PCDHA13: variants seen among roughly 807,000 people sequenced by gnomAD.
The protein encoded by PCDHA13 is protocadherin alpha-13.
In PCDHA13, 54 loss-of-function variants were observed where a neutral mutation model predicts 64.8. That is an observed-to-expected ratio of 0.83 (90% CI 0.67 to 1.04). The LOEUF (loss-of-function observed/expected upper bound fraction) is 1.04, where lower values mean the gene tolerates loss of function less well. PCDHA13 is among the 50% of genes least tolerant of loss of function. The pLI, the probability that PCDHA13 is intolerant of heterozygous loss-of-function variation, is 0.00. For missense variants in PCDHA13, 1,248 were observed against 1,254.3 expected (o/e 0.99, Z 0.08); for synonymous variants, 587 against 564.4 (o/e 1.04, Z -0.57).
chr5:140,955,846 T>G (rs1256650141), intron 1 of PCDHA13, among the ~76,000 whole-genome samples: 1 of 152,218 alleles, frequency 6.6e-6, no homozygotes, highest in African/African-American at 2.4e-5. Context: ...GTCATTCTCC[T>G]TGAAGAGGTC....
chr5:140,967,024 T>G, intron 1 of PCDHA13: 1 of 1,608,238 alleles, frequency 6.2e-7, no homozygotes, highest in Non-Finnish European at 8.5e-7. Flanking sequence ...GTGCGCCCAG[T>G]CCGCGCTACC....
At chr5:140,947,454 C>T (rs138457341) in intron 1 of PCDHA13, among the ~76,000 whole-genome samples, 1 of 151,582 alleles carries the variant, frequency 6.6e-6, no homozygotes, top group Non-Finnish European at 1.5e-5. Flanking sequence ...ATCCTCCAAC[C>T]TTGTTCTACT....
chr5:141,009,372 T>C (rs1026606654), intron 3 of PCDHA13, among the ~76,000 whole-genome samples: 3 of 152,152 alleles, frequency 2.0e-5, no homozygotes, highest in Non-Finnish European at 1.5e-5. Context: ...GATGGGAGGA[T>C]TGATTGAGCA....
intron 2 of PCDHA13, among the ~76,000 whole-genome samples, chr5:140,979,550 T>C (rs1201791524): frequency 5.3e-5 from 8 of 152,238 alleles, no homozygotes; most frequent in Non-Finnish European, 7.3e-5. Flanking sequence ...ACATGGTTCT[T>C]CAGAAGATGA....
intron 3 of PCDHA13, among the ~76,000 whole-genome samples, chr5:141,002,682 G>C (rs536105955): frequency 6.6e-6 from 1 of 152,140 alleles, no homozygotes; most frequent in African/African-American, 2.4e-5. Context: ...CCTATACGAC[G>C]TGCAGATTTG....
intron 1 of PCDHA13, among the ~76,000 whole-genome samples, chr5:140,942,139 A>G (rs1211983428): frequency 6.6e-6 from 1 of 152,248 alleles, no homozygotes; most frequent in African/African-American, 2.4e-5. Flanking sequence ...TTGTGGCTTT[A>G]CTTGACATAA....
intron 1 of PCDHA13, among the ~76,000 whole-genome samples, chr5:140,891,039 AC>A (rs143686625): frequency 0.024 from 3,682 of 152,150 alleles, 153 homozygotes; most frequent in African/African-American, 0.085. Context: ...CTTAGGTGTG[AC>A]CCCCACAGCA....
intron 1 of PCDHA13, among the ~76,000 whole-genome samples, chr5:140,899,167 T>C (rs1314014582): frequency 3.3e-5 from 5 of 152,124 alleles, no homozygotes; most frequent in Admixed American, 6.5e-5. Context: ...CTTTTCCTAA[T>C]TGAATACCCT....
chr5:140,927,078 C>T, intron 1 of PCDHA13: 1 of 1,611,014 alleles, frequency 6.2e-7, no homozygotes, highest in Non-Finnish European at 8.5e-7. Context: ...CCAGCCACCG[C>T]GAGCTCTACT....
chr5:140,925,208 T>C (rs1201764361), intron 1 of PCDHA13, among the ~76,000 whole-genome samples: 2 of 152,190 alleles, frequency 1.3e-5, no homozygotes, highest in African/African-American at 4.8e-5. Context: ...TAATTATCGA[T>C]ACTTTTAGGC....
At chr5:140,971,732 T>C (rs1554233582) in intron 1 of PCDHA13, among the ~76,000 whole-genome samples, 2 of 151,638 alleles carry the variant, frequency 1.3e-5, no homozygotes, top group African/African-American at 4.8e-5. Flanking sequence ...ATCATACATA[T>C]ACACATACAT....
intron 3 of PCDHA13, among the ~76,000 whole-genome samples, chr5:140,997,912 A>T (rs2097790316): frequency 1.3e-5 from 2 of 152,224 alleles, no homozygotes. Context: ...GTAGAATTAC[A>T]GAATCATAGG....
At chr5:140,981,982 A>G (rs1026116713) in intron 2 of PCDHA13, among the ~76,000 whole-genome samples, 6 of 152,218 alleles carry the variant, frequency 3.9e-5, no homozygotes, top group Admixed American at 2.0e-4. Context: ...AAAGAGTAAA[A>G]TAGAAAATAA....
chr5:140,938,261 A>G (rs1325957872), intron 1 of PCDHA13, among the ~76,000 whole-genome samples: 2 of 152,182 alleles, frequency 1.3e-5, no homozygotes, highest in Non-Finnish European at 2.9e-5. Flanking sequence ...AAAACTTTCT[A>G]ATCACATAGT....
At chr5:140,972,660 ATTTTT>A (rs11350929) in intron 1 of PCDHA13, among the ~76,000 whole-genome samples, 2 of 117,266 alleles carry the variant, frequency 1.7e-5, no homozygotes, top group African/African-American at 3.3e-5. Flanking sequence ...AAGAAACCAA[ATTTTT>A]TTTTTTTTTT....
intron 1 of PCDHA13, among the ~76,000 whole-genome samples, chr5:140,922,935 G>A (rs1484457119): frequency 6.6e-6 from 1 of 152,130 alleles, no homozygotes; most frequent in Non-Finnish European, 1.5e-5. Flanking sequence ...TTTACTTCCA[G>A]CAATGGAAAT....
intron 1 of PCDHA13, among the ~76,000 whole-genome samples, chr5:140,935,799 A>T (rs1423027036): frequency 1.3e-5 from 2 of 151,978 alleles, no homozygotes; most frequent in African/African-American, 4.8e-5. Flanking sequence ...TATAAACGAG[A>T]TTATTTCATA....
rs1554181373 is a variant in PCDHA13 at position 140,884,248 on chromosome 5, G to T, written c.1980G>T (p.Thr660=). The change falls in exon 1 of 4, where the codon ACG becomes ACT. Residue 660 remains threonine, a synonymous_variant. Coordinates refer to ENST00000289272, the MANE Select transcript of PCDHA13 (RefSeq NM_018904.3). ...LVKDHGEPAL[T]ATATVLLSLV... is the part of the protein sequence containing the mutation. ...AGGACCACGGTGAGCCCGCGCTGAC[G>T]GCCACGGCAACGGTGCTGTTGTCGC... The T allele has an allele frequency of 1.2e-6, 2 of 1,613,458 alleles. No homozygotes were observed. The highest frequency in any genetic ancestry group is 4.5e-5 in the East Asian group (2 of 44,866).
chr5:140,911,974 A>C (rs1471523711), intron 1 of PCDHA13, among the ~76,000 whole-genome samples: 3 of 152,212 alleles, frequency 2.0e-5, no homozygotes, highest in African/African-American at 4.8e-5. Flanking sequence ...GTATTAACTC[A>C]CATGATCACA....
Sources: allele counts gnomAD v4.1 joint callset (sites outside exome capture counted in the v4.1 genomes callset), GRCh38; gene constraint gnomAD v4.1.1; transcripts MANE v1.5; gene names NCBI Gene and HGNC (gene_info 2026-07-23, HGNC 2026-07-21).